The following WASF3 variants were observed in gnomAD, a reference collection of about 807,000 sequenced individuals.
WASF3 encodes actin-binding protein WASF3.
A neutral mutation model predicts 46.6 loss-of-function variants in WASF3; 11 were observed. The observed-to-expected ratio is 0.24, with a 90% CI of 0.15 to 0.39. The LOEUF (loss-of-function observed/expected upper bound fraction) is 0.39, where lower values mean the gene tolerates loss of function less well. Among genes scored for constraint, WASF3 ranks in the 10% least tolerant of loss-of-function variants. WASF3 has a pLI of 1.00. For missense variants in WASF3, 576 were observed against 669.8 expected, an observed-to-expected ratio of 0.86 and a Z score of 1.55; for synonymous variants, 242 against 259.7, an observed-to-expected ratio of 0.93 and a Z score of 0.65.
chr13:26,627,363 T>C (rs1316289523), intron 2 of WASF3, among the ~76,000 whole-genome samples: 3 of 152,164 alleles, frequency 2.0e-5, no homozygotes, highest in African/African-American at 7.2e-5. Flanking sequence ...CATGGAGTTA[T>C]TTTGATAGGG....
intron 1 of WASF3, among the ~76,000 whole-genome samples, chr13:26,606,092 G>T (rs1475214252): frequency 6.6e-6 from 1 of 152,098 alleles, no homozygotes; most frequent in African/African-American, 2.4e-5. Context: ...AGTACTTGGT[G>T]CTCTTTATTG....
upstream of WASF3, among the ~76,000 whole-genome samples, chr13:26,556,895 T>G (rs481220): frequency 0.44 from 66,673 of 152,036 alleles, 14,967 homozygotes; most frequent in South Asian, 0.49. Flanking sequence ...ACATTTCTAT[T>G]AGATGTTTTT....
At chr13:26,554,077 TTCCTTCC>T (rs1879033904), upstream of WASF3, among the ~76,000 whole-genome samples, 1 of 110,152 alleles carries the variant, frequency 9.1e-6, no homozygotes, top group Non-Finnish European at 1.8e-5. Context: ...CCTTCCTTCC[TTCCTTCC>T]TTCCTTCCTT....
chr13:26,594,554 G>A (rs146200894), intron 1 of WASF3, among the ~76,000 whole-genome samples: 113 of 152,232 alleles, frequency 7.4e-4, no homozygotes, highest in African/African-American at 2.6e-3. Flanking sequence ...CTTTCTGGAC[G>A]ATTGTATTAC....
intron 1 of WASF3, among the ~76,000 whole-genome samples, chr13:26,584,363 G>A (rs546910675): frequency 6.6e-6 from 1 of 152,184 alleles, no homozygotes; most frequent in South Asian, 2.1e-4. Flanking sequence ...CTTCTCTAAG[G>A]TGCTTATTTG....
intron 1 of WASF3, among the ~76,000 whole-genome samples, chr13:26,584,467 T>G (rs753413971): frequency 3.9e-5 from 6 of 152,228 alleles, no homozygotes; most frequent in Non-Finnish European, 5.9e-5. Context: ...GACTATATGG[T>G]CTCTGTTAAT....
chr13:26,554,080 CT>C (rs1323423541), upstream of WASF3, among the ~76,000 whole-genome samples: 1 of 52,466 alleles, frequency 1.9e-5, no homozygotes, highest in African/African-American at 7.5e-5. Flanking sequence ...TCCTTCCTTC[CT>C]TCCTTCCTTC....
intron 6 of WASF3, among the ~76,000 whole-genome samples, chr13:26,674,912 G>GA (rs1883019132): frequency 6.6e-6 from 1 of 152,102 alleles, no homozygotes; most frequent in Non-Finnish European, 1.5e-5. Flanking sequence ...ACTTTCTTTT[G>GA]ATGAAAGATT....
the WASF3 span, among the ~76,000 whole-genome samples, chr13:26,549,325 T>A: frequency 6.6e-6 from 1 of 152,304 alleles, no homozygotes; most frequent in African/African-American, 2.4e-5. Flanking sequence ...TGCTTTTGAC[T>A]ACCTGCCTGG....
chr13:26,584,781 T>C (rs1024422030), intron 1 of WASF3, among the ~76,000 whole-genome samples: 3 of 152,358 alleles, frequency 2.0e-5, no homozygotes, highest in Admixed American at 6.5e-5. Context: ...GTTGAAGGCA[T>C]ATACGTGACA....
intron 2 of WASF3, among the ~76,000 whole-genome samples, chr13:26,623,733 A>G (rs1397731882): frequency 6.6e-6 from 1 of 152,196 alleles, no homozygotes; most frequent in African/African-American, 2.4e-5. Flanking sequence ...AGGGAGAGCA[A>G]GGAGCCTAGC....
At chr13:26,587,939 C>CT (rs1033788734) in intron 1 of WASF3, among the ~76,000 whole-genome samples, 9 of 151,914 alleles carry the variant, frequency 5.9e-5, no homozygotes, top group African/African-American at 2.2e-4. Flanking sequence ...TTTATGATTG[C>CT]TATAGGACTT....
chr13:26,681,864 C>CT (rs920446827), intron 8 of WASF3, among the ~76,000 whole-genome samples: 3 of 151,912 alleles, frequency 2.0e-5, no homozygotes, highest in Non-Finnish European at 4.4e-5. Flanking sequence ...ACCCACCTCT[C>CT]TTTTTTTTGG....
chr13:26,614,290 CA>C (rs1881068639), intron 2 of WASF3, among the ~76,000 whole-genome samples: 2 of 152,078 alleles, frequency 1.3e-5, no homozygotes, highest in Non-Finnish European at 2.9e-5. Context: ...TTTCACTTTA[CA>C]GGTAATTTTT....
At chr13:26,672,220 A>G (rs1882943247) in intron 6 of WASF3, among the ~76,000 whole-genome samples, 1 of 152,216 alleles carries the variant, frequency 6.6e-6, no homozygotes, top group East Asian at 1.9e-4. Flanking sequence ...AGTAGTTCCT[A>G]AACTTTGTTT....
intron 1 of WASF3, among the ~76,000 whole-genome samples, chr13:26,562,906 T>C (rs1879343672): frequency 1.5e-5 from 1 of 67,602 alleles, no homozygotes; most frequent in Non-Finnish European, 3.0e-5. Context: ...TTTTCTTTTC[T>C]TTTCTCTTTT....
At chr13:26,544,976 A>G in the WASF3 span, among the ~76,000 whole-genome samples, 1 of 152,246 alleles carries the variant, frequency 6.6e-6, no homozygotes, top group Non-Finnish European at 1.5e-5. Context: ...CAATAACAGA[A>G]GGACATTTTT....
rs867544440 is a variant in WASF3 at position 26,688,923 on chromosome 13, C to T, written c.*3078C>T. 6.6e-6 allele frequency: 1 copy of T among 152,084 alleles called. No individual in the cohort carries two copies. Among genetic ancestry groups the T allele is most frequent in the Non-Finnish European group, 1.5e-5 (1 of 68,030 alleles). The allele number at this position is 152,084 out of a possible 1,614,324, so 9.4% of individuals were successfully genotyped here. On this transcript the variant is annotated 3_prime_UTR_variant, in exon 10 of 10. Transcript: ENST00000335327. ...CATCTAAATAAAATTACACTTTTAA[C>T]CCTAAGAGGTTTTGCTTATTAATAA...
At chr13:26,571,524 A>G (rs1172779735) in intron 1 of WASF3, among the ~76,000 whole-genome samples, 2 of 152,218 alleles carry the variant, frequency 1.3e-5, no homozygotes, top group African/African-American at 4.8e-5. Flanking sequence ...TAGTGATGCC[A>G]CCATTGCTGT....
Sources: gnomAD v4.1 joint callset for allele counts (sites outside exome capture counted in the v4.1 genomes callset) on GRCh38, gnomAD v4.1.1 for gene constraint, MANE v1.5 for transcripts, NCBI Gene and HGNC (gene_info 2026-07-23, HGNC 2026-07-21) for gene names.